ROCK2: variants seen among roughly 807,000 people sequenced by gnomAD.
ROCK2 encodes Rho associated coiled-coil containing protein kinase 2, also known as rho-associated protein kinase 2.
In ROCK2, 61 loss-of-function variants were observed where a neutral mutation model predicts 195.1. The ratio of observed to expected loss-of-function variants is 0.31; its 90% CI spans 0.25 to 0.39. The LOEUF is 0.39. Among genes scored for constraint, ROCK2 ranks in the 10% least tolerant of loss-of-function variants. The probability of loss-of-function intolerance (pLI) is 1.00; values close to 1 mark genes in which losing one functional copy is unlikely to be tolerated. For synonymous variants in ROCK2, 504 were observed against 545.5 expected (o/e 0.92, Z 1.06); for missense variants, 1,109 against 1,637.4 (o/e 0.68, Z 5.57).
intron 4 of ROCK2, among the ~76,000 whole-genome samples, chr2:11,237,041 A>G (rs545346461): frequency 2.6e-5 from 4 of 152,316 alleles, no homozygotes; most frequent in African/African-American, 9.6e-5. Flanking sequence ...AATCCCAGCA[A>G]CTTGGGAGGC....
At chr2:11,185,948 A>G (rs1018430081) in intron 32 of ROCK2, among the ~76,000 whole-genome samples, 4 of 152,116 alleles carry the variant, frequency 2.6e-5, no homozygotes, top group African/African-American at 9.7e-5. Context: ...TGCTCTTTAT[A>G]AGGCCTCATT....
At chr2:11,265,198 T>G (rs923218171) in intron 3 of ROCK2, among the ~76,000 whole-genome samples, 1 of 151,544 alleles carries the variant, frequency 6.6e-6, no homozygotes, top group African/African-American at 2.4e-5. Context: ...CATTTATTAC[T>G]ACATTAAAAA....
chr2:11,211,603 G>T, intron 18 of ROCK2, 78 bp downstream of exon 18: 2 of 1,328,730 alleles, frequency 1.5e-6, no homozygotes, highest in Non-Finnish European at 2.0e-6. Flanking sequence ...AAAAAAAAAT[G>T]TTTCAAAACC....
chr2:11,185,891 T>C (rs1030753977), intron 32 of ROCK2, among the ~76,000 whole-genome samples: 4 of 152,178 alleles, frequency 2.6e-5, no homozygotes, highest in Admixed American at 6.5e-5. Flanking sequence ...TGGTTCTTAT[T>C]TACACACTTC....
intron 3 of ROCK2, among the ~76,000 whole-genome samples, chr2:11,252,660 A>G (rs959589492): frequency 1.3e-5 from 2 of 152,062 alleles, no homozygotes; most frequent in Admixed American, 6.5e-5. Context: ...AGGGACATGG[A>G]TGAAGCTGGA....
chr2:11,225,155 T>C (rs985386584), intron 6 of ROCK2, among the ~76,000 whole-genome samples: 1 of 152,076 alleles, frequency 6.6e-6, no homozygotes, highest in African/African-American at 2.4e-5. Context: ...AGGGAAGAAA[T>C]GGTCTCCCCA....
chr2:11,252,724 T>A (rs1572311327), intron 3 of ROCK2, among the ~76,000 whole-genome samples: 1 of 152,032 alleles, frequency 6.6e-6, no homozygotes, highest in Admixed American at 6.6e-5. Flanking sequence ...CACCGCAGGT[T>A]CCCACTCATA....
At chr2:11,294,841 G>A (rs111977317) in intron 1 of ROCK2, among the ~76,000 whole-genome samples, 3,703 of 152,094 alleles carry the variant, frequency 0.024, 178 homozygotes, top group African/African-American at 0.085. Context: ...GCAGTGCCAT[G>A]ATGTCAGCTC....
intron 1 of ROCK2, among the ~76,000 whole-genome samples, chr2:11,299,387 G>A (rs1572380106): frequency 1.3e-5 from 2 of 151,948 alleles, no homozygotes; most frequent in East Asian, 3.9e-4. Flanking sequence ...AACTTTTTAA[G>A]GCACAACCAA....
chr2:11,187,018 T>TA (rs1266498940), intron 32 of ROCK2, among the ~76,000 whole-genome samples: 5 of 152,342 alleles, frequency 3.3e-5, no homozygotes, highest in Admixed American at 6.5e-5. Context: ...CTGCGAAACT[T>TA]ATTGTCAAAG....
At chr2:11,317,764 G>A (rs1295431077) in intron 1 of ROCK2, among the ~76,000 whole-genome samples, 21 of 148,484 alleles carry the variant, frequency 1.4e-4, no homozygotes, top group African/African-American at 5.0e-4. Flanking sequence ...ATCCCTCCCC[G>A]CTCCCCCAAC....
Position 11,235,277 on chromosome 2 carries a change from A to G in ROCK2, c.723+425T>C, listed in dbSNP as rs971344287. 1.3e-5 allele frequency among the ~76,000 whole-genome samples: 2 copies of G among 152,194 alleles called. No homozygotes were observed. Among genetic ancestry groups the G allele is most frequent in the Non-Finnish European group, 2.9e-5 (2 of 68,010 alleles). On this transcript the variant is annotated intron_variant, in intron 5 of 32. Coordinates refer to ENST00000315872, the MANE Select transcript of ROCK2 (RefSeq NM_004850.5). This position sits in a 1 kb window ranked among gnomAD's most constrained non-coding sequence, Gnocchi z 4.2. ...TGTGGTTGATGCAGAGGGAGTGACGAGGAGGTTGTAACATAAATTTCTTTA... is the reference window on the plus strand; with the variant it reads ...TGTGGTTGATGCAGAGGGAGTGACGGGGAGGTTGTAACATAAATTTCTTTA...
intron 32 of ROCK2, among the ~76,000 whole-genome samples, chr2:11,188,106 T>TA (rs952952546): frequency 2.8e-5 from 4 of 141,778 alleles, no homozygotes; most frequent in African/African-American, 1.1e-4. Flanking sequence ...GTATATAATT[T>TA]TTTTTTTTTT....
chr2:11,216,439 C>T (rs2148067786), intron 12 of ROCK2, among the ~76,000 whole-genome samples: 1 of 152,102 alleles, frequency 6.6e-6, no homozygotes, highest in Admixed American at 6.5e-5. Context: ...GCTCCCTTGG[C>T]CCCTCAAAGT....
intron 6 of ROCK2, among the ~76,000 whole-genome samples, chr2:11,225,776 G>C (rs1348920119): frequency 6.6e-6 from 1 of 152,152 alleles, no homozygotes; most frequent in African/African-American, 2.4e-5. Flanking sequence ...CACAACCTAG[G>C]CCAGAGATGG....
intron 4 of ROCK2, among the ~76,000 whole-genome samples, chr2:11,240,934 C>A (rs1281588639): frequency 6.6e-6 from 1 of 152,056 alleles, no homozygotes; most frequent in Non-Finnish European, 1.5e-5. Flanking sequence ...AAAAGAGATA[C>A]CGTATATATT....
chr2:11,283,611 A>G (rs1007854831), intron 3 of ROCK2, among the ~76,000 whole-genome samples: 11 of 150,686 alleles, frequency 7.3e-5, no homozygotes, highest in African/African-American at 2.7e-4. Flanking sequence ...AAAAAAGGAA[A>G]AGATATACAG....
chr2:11,287,939 G>A (rs1365405185), intron 1 of ROCK2, among the ~76,000 whole-genome samples: 1 of 152,130 alleles, frequency 6.6e-6, no homozygotes, highest in African/African-American at 2.4e-5. Context: ...CCCCTATCAT[G>A]TTTTCCTGTG....
intron 1 of ROCK2, chr2:11,308,174 CAAT>C (rs1435400231): frequency 1.3e-6 from 2 of 1,597,992 alleles, no homozygotes; most frequent in African/African-American, 2.7e-5. Flanking sequence ...AAGCTCAACA[CAAT>C]AATTCTGAAT....
Sources: allele counts gnomAD v4.1 joint callset (sites outside exome capture counted in the v4.1 genomes callset), GRCh38; gene constraint gnomAD v4.1.1; non-coding constraint Gnocchi (gnomAD v3.1); transcripts MANE v1.5; gene names NCBI Gene and HGNC (gene_info 2026-07-23, HGNC 2026-07-21).